The following TTN variants were observed in gnomAD, a reference collection of about 807,000 sequenced individuals.
The protein encoded by TTN is titin, also known as connectin.
Under a neutral mutation model 3,223.0 loss-of-function variants are expected in TTN, and 1,525 were observed. The ratio of observed to expected loss-of-function variants is 0.47; its 90% CI spans 0.45 to 0.49. TTN has a LOEUF of 0.49. Among genes scored for constraint, TTN ranks in the 20% least tolerant of loss-of-function variants. The pLI is 0.00. For missense variants in TTN, 40,786 were observed against 43,424.0 expected (o/e 0.94, Z 5.40); for synonymous variants, 14,094 against 15,161.0 (o/e 0.93, Z 5.17).
In TTN at chr2:178,542,892, C is replaced by T. The variant is rs1421966339; in HGVS notation, c.96962G>A (p.Gly32321Asp). 6.2e-7 allele frequency: 1 copy of T among 1,613,414 alleles called. No individual in the cohort carries two copies. Among genetic ancestry groups the T allele is most frequent in the South Asian group, 1.1e-5 (1 of 91,046 alleles). The change falls in exon 348 of 363, where the codon GGC becomes GAC. Residue 32321 changes from glycine to aspartate, a missense_variant. Transcript: ENST00000589042. ...MPQKTIHVPA[G>D]RPVELVIPIA... ...AGGTATCACCAGCTCTACTGGTCTG[C>T]CAGCTGGGACATGGATGGTCTTCTG...
Position 178,611,575 on chromosome 2 carries a change from A to G in TTN, c.50654T>C (p.Ile16885Thr), listed in dbSNP as rs2056332746. ...PPEKNGGSPI[I>T]GYHVEMCPVG... Reference sequence around the variant, plus strand: ...TGGACACATTTCAACATGGTATCCTATGATAGGACTTCCACCATTTTTCTC... The same window carrying G: ...TGGACACATTTCAACATGGTATCCTGTGATAGGACTTCCACCATTTTTCTC... The change falls in exon 269 of 363, where the codon ATA becomes ACA. Residue 16885 changes from isoleucine (I) to threonine (T), a missense_variant. Ile to Thr is a moderately conservative substitution (Grantham distance 89, BLOSUM62 -1). Coordinates refer to ENST00000589042, the MANE Select transcript of TTN (RefSeq NM_001267550.2). 1.2e-6 allele frequency: 2 copies of G among 1,613,014 alleles called. No homozygotes were observed. Among genetic ancestry groups the G allele is most frequent in the Non-Finnish European group, 1.7e-6 (2 of 1,179,320 alleles).
intron 243 of TTN, 119 bp from the exon 244 acceptor site, chr2:178,622,127 G>A: frequency 1.1e-6 from 1 of 935,280 alleles, no homozygotes. Flanking sequence ...ATAGTGTGAA[G>A]AAGAACCAAG....
Position 178,773,200 on chromosome 2 carries a change from T to C in TTN, c.7764A>G (p.Lys2588=), listed in dbSNP as rs1361032185. ...YKIEAHGKIY[K]LTVLNMMKDD... ...CTTTCATCATATTTAGAACTGTCAA[T>C]TTATATATTTTTCCATGTGCTTCAA... Residue 2588 remains lysine, a synonymous_variant, in exon 33 of 363, where the codon AAA becomes AAG. Transcript: ENST00000589042. 3.1e-6 allele frequency: 5 copies of C among 1,613,776 alleles called. No homozygotes were observed. The highest frequency in any genetic ancestry group is 4.2e-6 in the Non-Finnish European group (5 of 1,179,870).
intron 20 of TTN, 44 bp from the exon 21 acceptor site, chr2:178,781,307 T>C (rs2092739315): frequency 6.2e-7 from 1 of 1,608,292 alleles, no homozygotes; most frequent in Non-Finnish European, 8.5e-7. Flanking sequence ...TATCAACAAC[T>C]CTTCTGTGGG....
Position 178,799,832 on chromosome 2 carries a change from A to G in TTN, c.662T>C (p.Ile221Thr), listed in dbSNP as rs781543487. ...AQISESRQTRIEKKIEAHFDA... is the reference protein window; with the variant it reads ...AQISESRQTRTEKKIEAHFDA... ...AACAGTATAGAAAAATACCTTTTCA[A>G]TTCGGGTTTGTCTTGATTCTGAGAT... Residue 221 changes from isoleucine to threonine, a missense_variant, in exon 5 of 363, where the codon ATT (isoleucine) becomes ACT (threonine). By Grantham distance (89) the Ile-to-Thr change is moderately conservative. Transcript: ENST00000589042. 5.0e-6 allele frequency: 8 copies of G among 1,614,054 alleles called. No individual in the cohort carries two copies. Among genetic ancestry groups the G allele is most frequent in the East Asian group, 4.5e-5 (2 of 44,882 alleles).
At position 178,802,356 on chromosome 2, in the gene TTN, C is replaced by A. The variant is rs1278498039; in HGVS notation, c.92-15G>T. On this transcript the variant is annotated splice_polypyrimidine_tract_variant and intron_variant, in intron 2 of 362. Coordinates refer to ENST00000589042, the MANE Select transcript of TTN (RefSeq NM_001267550.2). ...AACTGGAAAACCTGAAGAGCAAGAA[C>A]AATTCACCTTTATGTTTGAATGGGC... The A allele has an allele frequency of 1.2e-6, 2 of 1,611,374 alleles. No individual in the cohort carries two copies. The highest frequency in any genetic ancestry group is 1.7e-6 in the Non-Finnish European group (2 of 1,178,528).
chr2:178,669,918 C>CT (rs202185171), intron 157 of TTN, among the ~76,000 whole-genome samples: 3,454 of 149,516 alleles, frequency 0.023, 60 homozygotes, highest in Non-Finnish European at 0.036. Flanking sequence ...TTAGAGCACA[C>CT]TTTTTTTTTT....
In TTN at chr2:178,782,161, T is replaced by G. The variant is rs752780660; in HGVS notation, c.3380+51A>C. The stretch of plus-strand genomic sequence containing the variant: ...TGAGTAAATTCTACTCTAGGCTTCA[T>G]GCACGTATTATACAAGTCACAGAGA... On this transcript the variant is annotated intron_variant, in intron 20 of 362. Coordinates refer to ENST00000589042, the MANE Select transcript of TTN (RefSeq NM_001267550.2). The G allele has an allele frequency of 2.5e-6, 4 of 1,603,298 alleles. No individual in the cohort carries two copies. In the African/African-American group the frequency reaches 5.4e-5, roughly 21 times the overall value.
Position 178,609,446 on chromosome 2 carries a change from A to G in TTN, c.51864T>C (p.Ile17288=), listed in dbSNP as rs1412677677. ...TITWIKDENV[I]VPEEIKKRAA... is the part of the protein sequence containing the mutation. ...CACGCTTCTTAATTTCCTCTGGTAC[A>G]ATAACATTTTCATCCTTTATCCATG... The change falls in exon 273 of 363, where the codon ATT becomes ATC. Residue 17288 remains isoleucine, a synonymous_variant. Coordinates refer to ENST00000589042, the MANE Select transcript of TTN (RefSeq NM_001267550.2). 1.2e-6 allele frequency: 2 copies of G among 1,612,368 alleles called. No individual in the cohort carries two copies. The highest frequency in any genetic ancestry group is 8.5e-7 in the Non-Finnish European group (1 of 1,179,084).
intron 359 of TTN, 164 bp from the exon 360 acceptor site, chr2:178,529,383 C>T (rs1485144656): frequency 4.0e-6 from 2 of 493,952 alleles, no homozygotes; most frequent in African/African-American, 2.0e-5. Flanking sequence ...GGAAAATTAT[C>T]ATGTGTGACT....
rs1220139630 is a variant in TTN at position 178,699,408 on chromosome 2, T to TAA, written c.30683-495_30683-494insTT. ...CTTTTTTTTTTTTTTTTTTTTTTTT[T>TAA]TTTTTTTTTTTTTTTTTTTTTGAGA... On this transcript the variant is annotated intron_variant, in intron 111 of 362. Transcript: ENST00000589042. Among the ~76,000 whole-genome samples, 50 of 78,238 alleles carry TAA rather than the reference T, an allele frequency of 6.4e-4. No homozygotes were observed. In the South Asian group the frequency reaches 9.4e-3, roughly 15 times the overall value. The allele number at this position is 78,238 out of a possible 152,430, so 51.3% of individuals were successfully genotyped here. A position where few individuals can be genotyped will look rare whatever the true frequency, so the allele number is the denominator to read the frequency against.
At chr2:178,700,253 A>T (rs1380358890) in intron 111 of TTN, among the ~76,000 whole-genome samples, 3 of 152,226 alleles carry the variant, frequency 2.0e-5, no homozygotes, top group Non-Finnish European at 4.4e-5. Flanking sequence ...TCTCTTTGTT[A>T]ATGAGGTTGC....
In TTN at chr2:178,533,780, C is replaced by T. The variant is rs779989647; in HGVS notation, c.102835G>A (p.Val34279Ile). 5 of 1,613,974 alleles carry T rather than the reference C, an allele frequency of 3.1e-6. No homozygotes were observed. The South Asian group carries it at 4.4e-5, about 14-fold the overall frequency. The change falls in exon 358 of 363, where the codon GTA becomes ATA. Residue 34279 changes from valine to isoleucine, a missense_variant. Coordinates refer to ENST00000589042, the MANE Select transcript of TTN (RefSeq NM_001267550.2). ...GGCTCTGGGTGGACAGTTATAGTTA[C>T]TCCAAACCGGACATTTTCACCTACA... ...AYVGENVRFG[V>I]TITVHPEPHV...
Position 178,538,607 on chromosome 2 carries a change from A to C in TTN, c.99222T>G (p.Phe33074Leu). The stretch of plus-strand genomic sequence containing the variant: ...TGCTCAGCCCAGTCTCATTCTCAGC[A>C]AAAACCCTGAATTCATACTCAGTAG... The part of the protein sequence containing the change: ...LEATEYEFRV[F>L]AENETGLSRP... Residue 33074 changes from phenylalanine to leucine, a missense_variant, in exon 354 of 363, where the codon TTT becomes TTG. Phe to Leu is a conservative substitution (Grantham distance 22). Coordinates refer to ENST00000589042, the MANE Select transcript of TTN (RefSeq NM_001267550.2). The C allele has an allele frequency of 6.2e-7, 1 of 1,613,664 alleles. No individual in the cohort carries two copies. Among genetic ancestry groups the C allele is most frequent in the East Asian group, 2.2e-5 (1 of 44,864 alleles).
intron 362 of TTN, 63 bp from the exon 363 acceptor site, chr2:178,527,370 C>T (rs919809050): frequency 6.4e-7 from 1 of 1,568,230 alleles, no homozygotes; most frequent in South Asian, 1.2e-5. Context: ...GATTTGCTTT[C>T]TACTGAATTG....
At chr2:178,679,285 AT>A (rs2068785357) in intron 142 of TTN, 53 bp downstream of exon 142, 2 of 1,578,562 alleles carry the variant, frequency 1.3e-6, no homozygotes, top group Non-Finnish European at 8.7e-7. Context: ...TCACCAAGTT[AT>A]GCTGCATGGG....
chr2:178,616,922 A>G lies in TTN; in HGVS notation c.47967T>C (p.Tyr15989=), dbSNP rs765346488. ...PITILVPSTG[Y]PRPTATWCFG... is the part of the protein sequence containing the mutation. The stretch of plus-strand genomic sequence containing the variant: ...AACACCAGGTTGCAGTTGGCCTTGG[A>G]TAGCCTGTACTTGGAACCAGGATCG... The change falls in exon 256 of 363, where the codon TAT becomes TAC. Residue 15989 remains tyrosine (Y), a synonymous_variant. Coordinates refer to ENST00000589042, the MANE Select transcript of TTN (RefSeq NM_001267550.2). The G allele has an allele frequency of 6.2e-7, 1 of 1,612,692 alleles. No homozygotes were observed. Among genetic ancestry groups the G allele is most frequent in the East Asian group, 2.2e-5 (1 of 44,714 alleles).
intron 157 of TTN, 114 bp from the exon 158 acceptor site, chr2:178,669,789 G>A (rs1271541539): frequency 1.0e-6 from 1 of 991,192 alleles, no homozygotes; most frequent in Non-Finnish European, 1.6e-6. Context: ...TCAATTATAA[G>A]TCAACTATAA....
chr2:178,695,826 G>C, intron 114 of TTN, 39 bp downstream of exon 114: 1 of 1,356,096 alleles, frequency 7.4e-7, no homozygotes, highest in Non-Finnish European at 9.6e-7. Flanking sequence ...GAGCAAAAAT[G>C]AAGAAAAGAG....
Sources: allele counts gnomAD v4.1 joint callset (sites outside exome capture counted in the v4.1 genomes callset), GRCh38; gene constraint gnomAD v4.1.1; transcripts MANE v1.5; gene names NCBI Gene and HGNC (gene_info 2026-07-23, HGNC 2026-07-21).